The following DYM variants were observed in gnomAD, a reference collection of about 807,000 sequenced individuals.
DYM encodes the protein dymeclin, also known as dyggve-Melchior-Clausen syndrome protein.
A neutral mutation model predicts 93.1 loss-of-function variants in DYM; 78 were observed. The ratio of observed to expected loss-of-function variants is 0.84; its 90% CI spans 0.70 to 1.01. The LOEUF (loss-of-function observed/expected upper bound fraction) is 1.01, where lower values mean the gene tolerates loss of function less well. DYM is among the 50% of genes least tolerant of loss of function. DYM has a pLI of 0.00. For synonymous variants in DYM, 321 were observed against 319.7 expected (o/e 1.00, Z -0.04); for missense variants, 789 against 845.0 (o/e 0.93, Z 0.82).
chr18:49,267,099 T>A (rs981184547), intron 11 of DYM, among the ~76,000 whole-genome samples: 71 of 152,004 alleles, frequency 4.7e-4, no homozygotes, highest in African/African-American at 1.7e-3. Context: ...TTAACTTTTT[T>A]AAAAAGTTAG....
At chr18:49,068,743 A>C (rs1267229045) in intron 17 of DYM, among the ~76,000 whole-genome samples, 1 of 152,250 alleles carries the variant, frequency 6.6e-6, no homozygotes, top group East Asian at 1.9e-4. Flanking sequence ...CAGCAGAATA[A>C]AAGAGTGGAA....
intron 17 of DYM, among the ~76,000 whole-genome samples, chr18:49,074,089 T>G (rs972592260): frequency 6.6e-6 from 1 of 152,244 alleles, no homozygotes; most frequent in African/African-American, 2.4e-5. Context: ...TAGGTTCTTT[T>G]GGCCTCCACA....
intron 13 of DYM, among the ~76,000 whole-genome samples, chr18:49,219,151 T>C (rs1383051589): frequency 6.6e-6 from 1 of 151,896 alleles, no homozygotes; most frequent in Non-Finnish European, 1.5e-5. Context: ...AACTAGAAAA[T>C]CTAGAAGAAA....
intron 17 of DYM, among the ~76,000 whole-genome samples, chr18:49,072,242 A>G (rs562291875): frequency 1.3e-5 from 2 of 152,338 alleles, no homozygotes; most frequent in South Asian, 4.2e-4. Context: ...ACGAAGTTTA[A>G]ACAATGATCT....
chr18:49,242,416 A>G (rs1402084083), intron 13 of DYM, among the ~76,000 whole-genome samples: 1 of 152,162 alleles, frequency 6.6e-6, no homozygotes, highest in Admixed American at 6.5e-5. Flanking sequence ...CGTCTCAAAA[A>G]ATAATAATAA....
intron 6 of DYM, among the ~76,000 whole-genome samples, chr18:49,351,496 C>G (rs2065119439): frequency 6.6e-6 from 1 of 151,280 alleles, no homozygotes; most frequent in South Asian, 2.1e-4. Flanking sequence ...GCAGTTCCAT[C>G]AATGAAAAAA....
chr18:49,115,664 T>G (rs1196091097), intron 16 of DYM, among the ~76,000 whole-genome samples: 1 of 152,198 alleles, frequency 6.6e-6, no homozygotes, highest in Non-Finnish European at 1.5e-5. Flanking sequence ...TTCTAGAATG[T>G]AAAGATCTGA....
At chr18:49,268,345 G>A (rs2094606303) in intron 11 of DYM, among the ~76,000 whole-genome samples, 1 of 152,166 alleles carries the variant, frequency 6.6e-6, no homozygotes, top group African/African-American at 2.4e-5. Context: ...AAGAACAAGT[G>A]TTTCAATATT....
rs1356265530 is a variant in DYM at position 49,234,787 on chromosome 18, A to C, written c.1460+22223T>G. Among the ~76,000 whole-genome samples the C allele has an allele frequency of 2.0e-5, 3 of 152,242 alleles. No individual in the cohort carries two copies. The East Asian group carries it at 5.8e-4, about 29-fold the overall frequency. Reference sequence around the variant, plus strand: ...TTATCCAAATATGCACAATCTAATCATATGATCCCTTAAAAGCAGAGAACT... The same window carrying C: ...TTATCCAAATATGCACAATCTAATCCTATGATCCCTTAAAAGCAGAGAACT... On this transcript the variant is annotated intron_variant, in intron 13 of 17. Transcript: ENST00000675505.
At chr18:49,367,577 A>C (rs559764139) in intron 5 of DYM, among the ~76,000 whole-genome samples, 1 of 152,216 alleles carries the variant, frequency 6.6e-6, no homozygotes, top group African/African-American at 2.4e-5. Context: ...CAGTAAAAAA[A>C]TTATTTTTAA....
intron 16 of DYM, among the ~76,000 whole-genome samples, chr18:49,099,023 T>A (rs1568417502): frequency 6.6e-6 from 1 of 152,114 alleles, no homozygotes; most frequent in Non-Finnish European, 1.5e-5. Context: ...ATTTTGTTGG[T>A]AAAAAAATGG....
At chr18:49,104,540 G>A (rs903778226) in intron 16 of DYM, among the ~76,000 whole-genome samples, 4 of 152,172 alleles carry the variant, frequency 2.6e-5, no homozygotes, top group African/African-American at 9.7e-5. Context: ...TATGATACTG[G>A]CTGTGGGTCT....
intron 2 of DYM, among the ~76,000 whole-genome samples, chr18:49,398,337 G>A (rs1357128320): frequency 1.3e-5 from 2 of 152,120 alleles, no homozygotes; most frequent in South Asian, 2.1e-4. Flanking sequence ...TTTCGGAGGT[G>A]AGCAGAGGCA....
At chr18:49,159,120 AG>A (rs2144949289) in intron 15 of DYM, among the ~76,000 whole-genome samples, 1 of 152,312 alleles carries the variant, frequency 6.6e-6, no homozygotes. Flanking sequence ...GTGTGTACAA[AG>A]GGGCATTTTA....
chr18:49,283,097 G>C (rs1275847966), intron 9 of DYM, among the ~76,000 whole-genome samples: 2 of 152,124 alleles, frequency 1.3e-5, no homozygotes, highest in African/African-American at 4.8e-5. Context: ...GTCTAGCCTA[G>C]CCTAAGCTAT....
At chr18:49,149,162 C>T (rs2085516921) in intron 15 of DYM, among the ~76,000 whole-genome samples, 1 of 152,116 alleles carries the variant, frequency 6.6e-6, no homozygotes, top group Non-Finnish European at 1.5e-5. Flanking sequence ...CTATGAGAAT[C>T]TAATGCTGCT....
At chr18:49,216,055 G>T (rs932282768) in intron 13 of DYM, among the ~76,000 whole-genome samples, 1 of 152,202 alleles carries the variant, frequency 6.6e-6, no homozygotes, top group Non-Finnish European at 1.5e-5. Flanking sequence ...CCCTAATACT[G>T]CGCTTTTCCG....
At chr18:49,231,806 G>A (rs1004612035) in intron 13 of DYM, among the ~76,000 whole-genome samples, 2 of 152,106 alleles carry the variant, frequency 1.3e-5, no homozygotes, top group African/African-American at 4.8e-5. Flanking sequence ...GTCACCAGAG[G>A]AATCTTAGTC....
chr18:49,156,875 G>T (rs906433649), intron 15 of DYM, among the ~76,000 whole-genome samples: 1 of 152,090 alleles, frequency 6.6e-6, no homozygotes, highest in Non-Finnish European at 1.5e-5. Context: ...AGAGGAAATG[G>T]GTTTTGTGGA....
Sources: allele counts gnomAD v4.1 joint callset (sites outside exome capture counted in the v4.1 genomes callset), GRCh38; gene constraint gnomAD v4.1.1; transcripts MANE v1.5; gene names NCBI Gene and HGNC (gene_info 2026-07-23, HGNC 2026-07-21).